Variants in CC2D2B observed in about 807,000 individuals in gnomAD.
CC2D2B encodes the protein protein CC2D2B.
A neutral mutation model predicts 161.2 loss-of-function variants in CC2D2B; 128 were observed. The ratio of observed to expected loss-of-function variants is 0.79; its 90% CI spans 0.69 to 0.92. The LOEUF is 0.92. CC2D2B is among the 40% of genes least tolerant of loss of function. The pLI, the probability that CC2D2B is intolerant of heterozygous loss-of-function variation, is 0.00. For synonymous variants in CC2D2B, 391 were observed against 449.8 expected (o/e 0.87, Z 1.65); for missense variants, 1,173 against 1,375.1 (o/e 0.85, Z 2.32).
In CC2D2B at chr10:96,033,101, C is replaced by A. The variant is rs2080113186; in HGVS notation, c.*1093C>A. ...ATGGATTTCCAAAGGTTGACCAGAG[C>A]AGTTTTGTATGAGGTAAAGATAAAA... On this transcript the variant is annotated 3_prime_UTR_variant, in exon 35 of 35. Transcript: ENST00000646931. Among the ~76,000 whole-genome samples, 1 of 152,092 alleles carries A rather than the reference C, an allele frequency of 6.6e-6. No individual in the cohort carries two copies. Among genetic ancestry groups the A allele is most frequent in the Admixed American group, 6.5e-5 (1 of 15,272 alleles).
intron 25 of CC2D2B, among the ~76,000 whole-genome samples, chr10:96,009,323 C>T (rs569799876): frequency 6.6e-6 from 1 of 152,170 alleles, no homozygotes; most frequent in African/African-American, 2.4e-5. Context: ...TTCTGCTTAT[C>T]CCAACTATTC....
At chr10:95,924,700 T>C in intron 4 of CC2D2B, 79 bp from the exon 5 acceptor site, 1 of 898,344 alleles carries the variant, frequency 1.1e-6, no homozygotes, top group Non-Finnish European at 1.8e-6. Flanking sequence ...AAAGTATTGA[T>C]ATTTATAAAT....
chr10:95,915,011 G>A (rs1566305075), intron 2 of CC2D2B, among the ~76,000 whole-genome samples: 1 of 152,114 alleles, frequency 6.6e-6, no homozygotes, highest in Non-Finnish European at 1.5e-5. Context: ...GAATAGAATG[G>A]ACATTTTAAC....
chr10:95,920,733 C>T (rs1432842202), intron 2 of CC2D2B: 2 of 152,268 alleles, frequency 1.3e-5, no homozygotes, highest in Non-Finnish European at 2.9e-5. Context: ...TTATTCAAGG[C>T]CCAAGGGTTC....
At chr10:95,959,935 G>A (rs1590609617) in intron 11 of CC2D2B, among the ~76,000 whole-genome samples, 1 of 152,112 alleles carries the variant, frequency 6.6e-6, no homozygotes, top group East Asian at 1.9e-4. Context: ...TGAAAAAAGT[G>A]TAATAAATAC....
rs1442243241 is a variant in CC2D2B at position 96,032,745 on chromosome 10, T to TA, written c.*738dup. 2.1e-6 allele frequency: 1 copy of TA among 468,132 alleles called. No individual in the cohort carries two copies. The highest frequency in any genetic ancestry group is 4.4e-6 in the Non-Finnish European group (1 of 225,562). 29.0% of individuals were successfully genotyped at this position (468,132 alleles called of 1,614,324 possible). A position where few individuals can be genotyped will look rare whatever the true frequency, so the allele number is the denominator to read the frequency against. Reference sequence around the variant, plus strand: ...TTGGATGCTACTGACATGAAATTCTTACAGCTCCATGTATTTGGAAGGAAC... The same window carrying TA: ...TTGGATGCTACTGACATGAAATTCTTAACAGCTCCATGTATTTGGAAGGAAC... On this transcript the variant is annotated 3_prime_UTR_variant, in exon 35 of 35. Transcript: ENST00000646931.
intron 33 of CC2D2B, among the ~76,000 whole-genome samples, chr10:96,025,180 T>A (rs377121795): frequency 0.15 from 1,801 of 11,796 alleles, 190 homozygotes; most frequent in East Asian, 0.58. Context: ...TATATATATA[T>A]ATATAAAAAA....
intron 6 of CC2D2B, among the ~76,000 whole-genome samples, chr10:95,931,864 G>A (rs1428076242): frequency 1.3e-5 from 2 of 152,166 alleles, no homozygotes; most frequent in East Asian, 3.8e-4. Context: ...GTTGATTTGG[G>A]GTGGAGAGTT....
At chr10:95,938,382 T>C (rs1190247095) in intron 7 of CC2D2B, 187 bp from the exon 8 acceptor site, 2 of 610,676 alleles carry the variant, frequency 3.3e-6, no homozygotes, top group Non-Finnish European at 5.8e-6. Flanking sequence ...AAAATGTACA[T>C]ATATAGGCAT....
intron 9 of CC2D2B, among the ~76,000 whole-genome samples, chr10:95,945,777 C>CTTTTTT (rs34209550): frequency 9.9e-5 from 8 of 81,140 alleles, no homozygotes; most frequent in East Asian, 3.4e-4. Flanking sequence ...TAATGTTGGA[C>CTTTTTT]TTTTTTTTTT....
At chr10:96,030,654 A>C (rs2080027507) in intron 34 of CC2D2B, among the ~76,000 whole-genome samples, 1 of 152,182 alleles carries the variant, frequency 6.6e-6, no homozygotes, top group Non-Finnish European at 1.5e-5. Flanking sequence ...TGGGAATTCC[A>C]AGATCAAAGT....
At chr10:95,947,107 A>T (rs1197226435) in intron 9 of CC2D2B, among the ~76,000 whole-genome samples, 3 of 37,998 alleles carry the variant, frequency 7.9e-5, no homozygotes, top group African/African-American at 5.1e-4. Context: ...ATATATATAT[A>T]TATATATTTT....
intron 2 of CC2D2B, among the ~76,000 whole-genome samples, chr10:95,915,113 G>A (rs2098513713): frequency 6.6e-6 from 1 of 152,004 alleles, no homozygotes; most frequent in African/African-American, 2.4e-5. Context: ...TCTCATTGTG[G>A]ACATCTTTTA....
chr10:96,015,985 T>C (rs17383897), intron 29 of CC2D2B, among the ~76,000 whole-genome samples: 7,624 of 152,270 alleles, frequency 0.05, 257 homozygotes, highest in Middle Eastern at 0.088. Context: ...TGTTCTATAA[T>C]AAAGGTGGCC....
chr10:96,006,825 A>G (rs2141824389), intron 25 of CC2D2B, among the ~76,000 whole-genome samples: 1 of 152,222 alleles, frequency 6.6e-6, no homozygotes, highest in East Asian at 1.9e-4. Flanking sequence ...CCCTGCTTCA[A>G]CTTACACCAG....
At chr10:95,989,870 C>T (rs1789556007) in intron 20 of CC2D2B, among the ~76,000 whole-genome samples, 1 of 152,118 alleles carries the variant, frequency 6.6e-6, no homozygotes, top group South Asian at 2.1e-4. Flanking sequence ...GAAAAGTTTG[C>T]TTCTGGAGGC....
intron 9 of CC2D2B, 147 bp downstream of exon 9, chr10:95,939,072 T>C (rs1232574499): frequency 2.2e-6 from 1 of 446,648 alleles, no homozygotes; most frequent in Non-Finnish European, 4.0e-6. Flanking sequence ...TAAATAGCCC[T>C]TAAAATTATA....
intron 9 of CC2D2B, among the ~76,000 whole-genome samples, chr10:95,941,099 G>A (rs1286957222): frequency 6.6e-6 from 1 of 152,162 alleles, no homozygotes; most frequent in Non-Finnish European, 1.5e-5. Flanking sequence ...GGAAAGGATA[G>A]TCTCTTCAAC....
chr10:95,995,446 A>T lies in CC2D2B; in HGVS notation c.2739+81A>T, dbSNP rs2078194116. On this transcript the variant is annotated intron_variant, in intron 23 of 34. Coordinates refer to ENST00000646931, the MANE Select transcript of CC2D2B (RefSeq NM_001349008.3). ...CAATTGACTCTTAATTCATCTCTCCATCTATATTTTCTTTGGCTTCCAGTT... is the reference window on the plus strand; with the variant it reads ...CAATTGACTCTTAATTCATCTCTCCTTCTATATTTTCTTTGGCTTCCAGTT... 1.3e-5 allele frequency: 9 copies of T among 698,532 alleles called. No homozygotes were observed. The Middle Eastern group carries it at 1.2e-3, about 94-fold the overall frequency. 43.3% of individuals were successfully genotyped at this position (698,532 alleles called of 1,614,324 possible). A position where few individuals can be genotyped will look rare whatever the true frequency, so the allele number is the denominator to read the frequency against.
Sources: allele counts gnomAD v4.1 joint callset (sites outside exome capture counted in the v4.1 genomes callset), GRCh38; gene constraint gnomAD v4.1.1; transcripts MANE v1.5; gene names NCBI Gene and HGNC (gene_info 2026-07-23, HGNC 2026-07-21).